PDE7B: variants seen among roughly 807,000 people sequenced by gnomAD.
PDE7B encodes phosphodiesterase 7B.
In PDE7B, 29 loss-of-function variants were observed where a neutral mutation model predicts 56.2. That is an observed-to-expected ratio of 0.52 (90% CI 0.38 to 0.70). PDE7B has a LOEUF of 0.70. Among genes scored for constraint, PDE7B ranks in the 30% least tolerant of loss-of-function variants. The pLI is 0.00. For missense variants in PDE7B, 490 were observed against 565.0 expected (o/e 0.87, Z 1.35); for synonymous variants, 197 against 196.9 (o/e 1.00, Z 0.00).
chr6:136,147,841 A>AT (rs1778442432), intron 4 of PDE7B, among the ~76,000 whole-genome samples: 1 of 152,314 alleles, frequency 6.6e-6, no homozygotes, highest in Admixed American at 6.5e-5. Flanking sequence ...GGAATAACTA[A>AT]TTTTTTTAAT....
At chr6:135,991,965 C>T (rs1195871733) in intron 2 of PDE7B, 1 of 152,082 alleles carries the variant, frequency 6.6e-6, no homozygotes, top group East Asian at 1.9e-4. Context: ...TTTGTTGTTG[C>T]TTAATCCACA....
chr6:136,149,267 C>T (rs1778471824), intron 5 of PDE7B, 117 bp downstream of exon 5: 1 of 710,982 alleles, frequency 1.4e-6, no homozygotes, highest in Admixed American at 2.2e-5. Context: ...TCCCCATTTT[C>T]ATAAACCTAC....
intron 9 of PDE7B, among the ~76,000 whole-genome samples, chr6:136,178,177 A>T (rs1207104829): frequency 6.6e-6 from 1 of 152,176 alleles, no homozygotes; most frequent in African/African-American, 2.4e-5. Flanking sequence ...AGGAAAGGGG[A>T]TGTGATGAGA....
chr6:136,052,259 T>A (rs191989447), intron 2 of PDE7B, among the ~76,000 whole-genome samples: 1 of 152,244 alleles, frequency 6.6e-6, no homozygotes, highest in East Asian at 1.9e-4. Flanking sequence ...GATCAGAACT[T>A]CCTAGCAGAC....
intron 1 of PDE7B, among the ~76,000 whole-genome samples, chr6:135,939,245 A>G (rs921209314): frequency 2.2e-4 from 33 of 152,174 alleles, no homozygotes; most frequent in African/African-American, 7.7e-4. Flanking sequence ...GTTGGCAACA[A>G]TGGATTTGTG....
chr6:136,074,536 A>G (rs992288712), intron 2 of PDE7B, among the ~76,000 whole-genome samples: 1 of 152,084 alleles, frequency 6.6e-6, no homozygotes, highest in Admixed American at 6.5e-5. Flanking sequence ...TATTCACTCT[A>G]TCTAATTATA....
chr6:135,866,663 G>A (rs1360428910), intron 1 of PDE7B, among the ~76,000 whole-genome samples: 3 of 152,032 alleles, frequency 2.0e-5, no homozygotes, highest in East Asian at 3.9e-4. Context: ...TTGTATAGTC[G>A]CTGATATAAA....
chr6:135,935,301 G>A (rs1340927447), intron 1 of PDE7B, among the ~76,000 whole-genome samples: 3 of 144,278 alleles, frequency 2.1e-5, no homozygotes, highest in Non-Finnish European at 4.5e-5. Context: ...AGAAATCTTT[G>A]CCTTCAGGTT....
chr6:135,928,471 A>ATATATATATT (rs1562442857), intron 1 of PDE7B, among the ~76,000 whole-genome samples: 3 of 67,968 alleles, frequency 4.4e-5, no homozygotes, highest in Non-Finnish European at 6.1e-5. Flanking sequence ...ATATTTATTT[A>ATATATATATT]TATATATATA....
At chr6:136,161,327 C>G (rs914592631) in intron 8 of PDE7B, among the ~76,000 whole-genome samples, 3 of 152,166 alleles carry the variant, frequency 2.0e-5, no homozygotes, top group East Asian at 1.9e-4. Flanking sequence ...ACTTCCCAGA[C>G]AGATAGTACA....
chr6:136,148,637 G>A (rs1047436058), intron 4 of PDE7B, among the ~76,000 whole-genome samples: 1 of 152,142 alleles, frequency 6.6e-6, no homozygotes, highest in African/African-American at 2.4e-5. Context: ...ATGTTTGCTT[G>A]TTTGTTGAGA....
rs201041343 is a variant in PDE7B, at chr6:135,964,114, AT to A, written c.82+16598del. 1.6e-3 allele frequency among the ~76,000 whole-genome samples: 236 copies of A among 146,892 alleles called. 1 individual carries two copies. The East Asian group carries it at 0.028, about 17-fold the overall frequency. On this transcript the variant is annotated intron_variant, in intron 2 of 12. Transcript: ENST00000308191. ...TTTTTCTGGGTTTTTTTTTTCTTTT[AT>A]TTTTTTTGAGACGGAGTCTTGCTCT...
chr6:136,027,029 G>C lies in PDE7B; in HGVS notation c.82+79505G>C, dbSNP rs1315689389. ...CACCTTTATAGAAAGAGACACCAGA[G>C]AGCTTGCTTTCTCTCCCTCTCCCCA... On this transcript the variant is annotated intron_variant, in intron 2 of 12. Coordinates refer to ENST00000308191, the MANE Select transcript of PDE7B (RefSeq NM_018945.4). Among the ~76,000 whole-genome samples, 4 of 152,162 alleles carry C rather than the reference G, an allele frequency of 2.6e-5. No individual in the cohort carries two copies. In the East Asian group the frequency reaches 7.7e-4, roughly 29 times the overall value.
intron 1 of PDE7B, among the ~76,000 whole-genome samples, chr6:135,908,287 T>A (rs1583759713): frequency 6.6e-6 from 1 of 151,248 alleles, no homozygotes; most frequent in Middle Eastern, 3.4e-3. Context: ...GAGACCGGGG[T>A]TTCTCCATAT....
intron 8 of PDE7B, among the ~76,000 whole-genome samples, chr6:136,170,945 T>C (rs6940521): frequency 0.083 from 12,594 of 152,220 alleles, 1,717 homozygotes; most frequent in African/African-American, 0.29. Context: ...AGTTTCAACG[T>C]GTGTTTTGGA....
At chr6:136,157,504 G>A (rs961779051) in intron 8 of PDE7B, among the ~76,000 whole-genome samples, 27 of 152,202 alleles carry the variant, frequency 1.8e-4, no homozygotes, top group African/African-American at 6.0e-4. Flanking sequence ...CTTGAACCCT[G>A]GAGGCAGAGG....
At chr6:136,080,653 C>G (rs1777191930) in intron 2 of PDE7B, among the ~76,000 whole-genome samples, 1 of 152,190 alleles carries the variant, frequency 6.6e-6, no homozygotes, top group South Asian at 2.1e-4. Flanking sequence ...TATCCACTCT[C>G]TATCCTAAGG....
rs1224573531 is a variant in PDE7B, at chr6:136,192,789, T to A, written c.*949T>A. ...TAGAGTTTATTAATATACTATTGTT[T>A]GCAGATAAAGGCCTTAACTTTAAAC... On this transcript the variant is annotated 3_prime_UTR_variant, in exon 13 of 13. Transcript: ENST00000308191. 6.6e-6 allele frequency: 1 copy of A among 152,656 alleles called. No homozygotes were observed. The highest frequency in any genetic ancestry group is 1.9e-4 in the East Asian group (1 of 5,204). The allele number at this position is 152,656 out of a possible 1,614,324, so 9.5% of individuals were successfully genotyped here. A position where few individuals can be genotyped will look rare whatever the true frequency, so the allele number is the denominator to read the frequency against.
chr6:135,859,696 T>C (rs1225173243), intron 1 of PDE7B, among the ~76,000 whole-genome samples: 1 of 152,012 alleles, frequency 6.6e-6, no homozygotes, highest in African/African-American at 2.4e-5. Context: ...GAGGCCCTTC[T>C]TAAACTTGAC....
Sources: gnomAD v4.1 joint callset for allele counts (sites outside exome capture counted in the v4.1 genomes callset) on GRCh38, gnomAD v4.1.1 for gene constraint, MANE v1.5 for transcripts, NCBI Gene and HGNC (gene_info 2026-07-23, HGNC 2026-07-21) for gene names.